The following ZDHHC11B variants were observed in gnomAD, a reference collection of about 807,000 sequenced individuals.
ZDHHC11B encodes the protein zDHHC palmitoyltransferase 11B (putative).
Under a neutral mutation model 42.3 loss-of-function variants are expected in ZDHHC11B, and 17 were observed. The observed-to-expected ratio is 0.40, with a 90% CI of 0.27 to 0.60. The LOEUF (loss-of-function observed/expected upper bound fraction) is 0.60. Among genes scored for constraint, ZDHHC11B ranks in the 20% least tolerant of loss-of-function variants. ZDHHC11B has a pLI of 0.41. For synonymous variants in ZDHHC11B, 123 were observed against 193.5 expected (o/e 0.64, Z 3.02); for missense variants, 262 against 463.2 (o/e 0.57, Z 3.99).
At chr5:779,633 G>T (rs1404510916) in intron 1 of ZDHHC11B, among the ~76,000 whole-genome samples, 3 of 147,614 alleles carry the variant, frequency 2.0e-5, no homozygotes, top group Non-Finnish European at 4.5e-5. Flanking sequence ...GGAAGGTTCA[G>T]CTGCGTCTGC....
intron 1 of ZDHHC11B, among the ~76,000 whole-genome samples, chr5:777,156 T>C (rs1347488047): frequency 6.6e-6 from 1 of 151,868 alleles, no homozygotes; most frequent in Non-Finnish European, 1.5e-5. Flanking sequence ...TTCAGATGCG[T>C]CTGGAGTTTC....
intron 7 of ZDHHC11B, among the ~76,000 whole-genome samples, chr5:748,886 T>C (rs55910651): frequency 0.059 from 6,918 of 117,154 alleles, 559 homozygotes; most frequent in African/African-American, 0.17. Flanking sequence ...GGGGTCACAG[T>C]GCCCACCCCT....
In ZDHHC11B at chr5:718,075, A is replaced by G. The variant is rs1338022228; in HGVS notation, c.1059-1210T>C. On this transcript the variant is annotated intron_variant, in intron 12 of 13. Coordinates refer to ENST00000508859, the MANE Select transcript of ZDHHC11B (RefSeq NM_001351303.2). ...GAATCCAAAAATTACTGAGAATAAA[A>G]AGAAAAGAAAATATTAATTTCAAAT... 2.6e-5 allele frequency among the ~76,000 whole-genome samples: 4 copies of G among 152,026 alleles called. 1 individual carries two copies. The highest frequency in any genetic ancestry group is 2.1e-4 in the South Asian group (1 of 4,816).
At chr5:756,664 CG>C (rs1561169511) in intron 4 of ZDHHC11B, among the ~76,000 whole-genome samples, 1 of 151,628 alleles carries the variant, frequency 6.6e-6, no homozygotes, top group Non-Finnish European at 1.5e-5. Context: ...TAAACACAGC[CG>C]GATACAGCCC....
chr5:746,539 C>G (rs1351376465), intron 8 of ZDHHC11B, among the ~76,000 whole-genome samples: 1 of 133,406 alleles, frequency 7.5e-6, no homozygotes, highest in Non-Finnish European at 1.7e-5. Context: ...GTTCAAGAAG[C>G]CCGTTCCAAG....
At chr5:764,711 G>C (rs563054396) in intron 4 of ZDHHC11B, among the ~76,000 whole-genome samples, 1 of 152,026 alleles carries the variant, frequency 6.6e-6, no homozygotes, top group South Asian at 2.1e-4. Flanking sequence ...GCGGCACCCG[G>C]TCCCATCCAC....
chr5:766,301 A>C (rs1410580819), intron 4 of ZDHHC11B, among the ~76,000 whole-genome samples: 1 of 69,358 alleles, frequency 1.4e-5, no homozygotes, highest in Non-Finnish European at 2.8e-5. Flanking sequence ...CAGACCCGGG[A>C]CCCCTGCCGC....
intron 4 of ZDHHC11B, among the ~76,000 whole-genome samples, chr5:757,794 G>C (rs1409436844): frequency 6.6e-6 from 1 of 151,860 alleles, no homozygotes; most frequent in Non-Finnish European, 1.5e-5. Flanking sequence ...ATGCCAAGGG[G>C]ATGGGACTGG....
chr5:728,747 C>CA (rs1742779274), intron 12 of ZDHHC11B, among the ~76,000 whole-genome samples: 2 of 151,920 alleles, frequency 1.3e-5, no homozygotes, highest in Non-Finnish European at 2.9e-5. Context: ...CATGGCCAGA[C>CA]ACAGTGACTC....
rs370216663 is a variant in ZDHHC11B, at chr5:718,293, C to T, written c.1059-1428G>A. On this transcript the variant is annotated intron_variant, in intron 12 of 13. Coordinates refer to ENST00000508859, the MANE Select transcript of ZDHHC11B (RefSeq NM_001351303.2). ...ATAGAGCCTGGTCCTTCCACTGAAACAACCATTGAGCTATAAAGAGCAATT... is the reference window on the plus strand; with the variant it reads ...ATAGAGCCTGGTCCTTCCACTGAAATAACCATTGAGCTATAAAGAGCAATT... Among the ~76,000 whole-genome samples, 8 of 151,776 alleles carry T rather than the reference C, an allele frequency of 5.3e-5. No individual in the cohort carries two copies. In the East Asian group the frequency reaches 1.4e-3, roughly 26 times the overall value.
rs1742936772 is a variant in ZDHHC11B, at chr5:730,457, A to G, written c.1035T>C (p.Asp345=). 6.4e-7 allele frequency: 1 copy of G among 1,568,824 alleles called. No homozygotes were observed. The highest frequency in any genetic ancestry group is 1.4e-5 in the African/African-American group (1 of 72,106). The change falls in exon 12 of 14, where the codon GAT becomes GAC. Residue 345 remains aspartate (D), a synonymous_variant. Coordinates refer to ENST00000508859, the MANE Select transcript of ZDHHC11B (RefSeq NM_001351303.2). The part of the protein sequence containing the change: ...DGDSKAQEAD[D]APSTSTLGLQ... ...ACCCAAGTGTAGATGTACTCGGGGC[A>G]TCATCTGCTTCCTGTGGGGGGAAGG...
At position 736,234 on chromosome 5, in the gene ZDHHC11B, A is replaced by G. The variant is rs1223377439; in HGVS notation, c.936-2395T>C. Reference sequence around the variant, plus strand: ...TAAGAAAGACAAAGAGCAACACTATACGATGATAAAAGAATCACTCCAAAA... The same window carrying G: ...TAAGAAAGACAAAGAGCAACACTATGCGATGATAAAAGAATCACTCCAAAA... On this transcript the variant is annotated intron_variant, in intron 10 of 13. Transcript: ENST00000508859. Among the ~76,000 whole-genome samples the G allele has an allele frequency of 1.9e-4, 28 of 150,022 alleles. 1 individual carries two copies. The highest frequency in any genetic ancestry group is 6.6e-4 in the African/African-American group (27 of 40,706).
At chr5:761,026 C>A (rs1443954129) in intron 4 of ZDHHC11B, among the ~76,000 whole-genome samples, 2 of 151,818 alleles carry the variant, frequency 1.3e-5, no homozygotes, top group Non-Finnish European at 2.9e-5. Context: ...AAAAGGCAGG[C>A]GGGCGCTGTG....
chr5:713,828 G>T (rs1320565816), intron 13 of ZDHHC11B, among the ~76,000 whole-genome samples: 1 of 151,700 alleles, frequency 6.6e-6, no homozygotes, highest in Non-Finnish European at 1.5e-5. Flanking sequence ...CTGCAATGAG[G>T]GTACCGCCCT....
intron 4 of ZDHHC11B, among the ~76,000 whole-genome samples, chr5:757,265 G>A (rs1267198381): frequency 2.0e-5 from 3 of 151,956 alleles, no homozygotes; most frequent in East Asian, 1.9e-4. Flanking sequence ...GCATGGAAAC[G>A]CAGGCTGCCG....
chr5:715,649 C>T (rs535781153), intron 13 of ZDHHC11B, among the ~76,000 whole-genome samples: 1 of 151,900 alleles, frequency 6.6e-6, no homozygotes, highest in African/African-American at 2.4e-5. Context: ...CTCATGAAGA[C>T]CCCGTGCTAT....
At chr5:750,868 A>G (rs1365829754) in intron 7 of ZDHHC11B, among the ~76,000 whole-genome samples, 21 of 126,228 alleles carry the variant, frequency 1.7e-4, no homozygotes, top group African/African-American at 5.4e-4. Context: ...GGTGGACCCC[A>G]CTGTCTCTCG....
intron 4 of ZDHHC11B, among the ~76,000 whole-genome samples, chr5:758,935 A>G (rs1162453334): frequency 1.3e-5 from 2 of 151,776 alleles, no homozygotes; most frequent in African/African-American, 4.8e-5. Flanking sequence ...CCAGCTAGCC[A>G]CTCTGCCCAT....
intron 12 of ZDHHC11B, among the ~76,000 whole-genome samples, chr5:721,145 A>ATG (rs1742152473): frequency 6.7e-6 from 1 of 149,938 alleles, no homozygotes; most frequent in African/African-American, 2.5e-5. Context: ...GGTGTTATAC[A>ATG]TTTAAGACAT....
Sources: gnomAD v4.1 joint callset for allele counts (sites outside exome capture counted in the v4.1 genomes callset) on GRCh38, gnomAD v4.1.1 for gene constraint, MANE v1.5 for transcripts, NCBI Gene and HGNC (gene_info 2026-07-23, HGNC 2026-07-21) for gene names.